APC: variants seen among roughly 807,000 people sequenced by gnomAD.
APC encodes the protein APC regulator of Wnt signaling pathway.
In APC, 72 loss-of-function variants were observed where a neutral mutation model predicts 247.0. That is an observed-to-expected ratio of 0.29 (90% CI 0.24 to 0.35). The LOEUF is 0.35. APC is among the 10% of genes least tolerant of loss of function. The pLI is 1.00. For synonymous variants in APC, 1,254 were observed against 1,162.5 expected (o/e 1.08, Z -1.60); for missense variants, 3,400 against 3,360.7 (o/e 1.01, Z -0.29).
At chr5:112,712,463 T>C (rs1379418094) in intron 1 of APC, among the ~76,000 whole-genome samples, 1 of 152,048 alleles carries the variant, frequency 6.6e-6, no homozygotes, top group Non-Finnish European at 1.5e-5. Flanking sequence ...CACAACTCAC[T>C]GTAACCTAGA....
At chr5:112,787,838 G>A (rs1210274656) in intron 6 of APC, among the ~76,000 whole-genome samples, 2 of 152,046 alleles carry the variant, frequency 1.3e-5, no homozygotes, top group African/African-American at 2.4e-5. Context: ...AGTCGTAAAG[G>A]TAATCTTCTA....
At chr5:112,736,722 T>C (rs1217357059), upstream of APC, among the ~76,000 whole-genome samples, 2 of 152,216 alleles carry the variant, frequency 1.3e-5, no homozygotes, top group African/African-American at 4.8e-5. Flanking sequence ...GAGACCATCC[T>C]GGCCAGCATG....
At chr5:112,821,103 C>G (rs571682111) in intron 10 of APC, among the ~76,000 whole-genome samples, 16 of 149,864 alleles carry the variant, frequency 1.1e-4, no homozygotes, top group Middle Eastern at 3.4e-3. Context: ...TCCTTGGGCT[C>G]AAGGATCTGC....
intron 6 of APC, among the ~76,000 whole-genome samples, chr5:112,791,099 T>C (rs570720952): frequency 6.6e-6 from 1 of 152,240 alleles, no homozygotes; most frequent in East Asian, 1.9e-4. Flanking sequence ...CATAAGTGAG[T>C]TGTTTTTTCC....
chr5:112,736,946 C>G (rs1013152440), upstream of APC, among the ~76,000 whole-genome samples: 1 of 152,062 alleles, frequency 6.6e-6, no homozygotes, highest in Non-Finnish European at 1.5e-5. Context: ...GTATAGTATC[C>G]TTTTAAATTT....
At chr5:112,729,920 T>TCAC (rs1412627840) in intron 1 of APC, among the ~76,000 whole-genome samples, 1 of 152,190 alleles carries the variant, frequency 6.6e-6, no homozygotes, top group African/African-American at 2.4e-5. Context: ...TGTTGAGTCA[T>TCAC]CACAGTTTTT....
chr5:112,740,524 C>CTTTTTTTTTTTTTT (rs11286305), intron 1 of APC, among the ~76,000 whole-genome samples: 7 of 99,130 alleles, frequency 7.1e-5, no homozygotes, highest in South Asian at 3.6e-4. Flanking sequence ...GTTTTTTTTT[C>CTTTTTTTTTTTTTT]TTTTTTTTTT....
Position 112,835,063 on chromosome 5 carries a change from C to G in APC, c.1856C>G (p.Thr619Ser). The part of the protein sequence containing the change: ...VDGALAFLVG[T>S]LTYRSQTNTL... ...GGTGCACTTGCATTTTTGGTTGGCA[C>G]TCTTACTTACCGGAGCCAGACAAAC... is the stretch of plus-strand genomic sequence containing the variant. The change falls in exon 15 of 16, where the codon ACT becomes AGT. Residue 619 changes from threonine to serine, a missense_variant. Physicochemically the swap from Thr to Ser is moderately conservative, Grantham distance 58. Coordinates refer to ENST00000257430, the MANE Select transcript of APC (RefSeq NM_000038.6). The G allele has an allele frequency of 1.2e-6, 2 of 1,614,116 alleles. No individual in the cohort carries two copies. The highest frequency in any genetic ancestry group is 1.7e-6 in the Non-Finnish European group (2 of 1,180,010).
chr5:112,750,180 C>G lies in APC; in HGVS notation c.-18-4693C>G, dbSNP rs536402410. Among the ~76,000 whole-genome samples the G allele has an allele frequency of 2.6e-5, 4 of 152,062 alleles. No homozygotes were observed. In the South Asian group the frequency reaches 8.3e-4, roughly 32 times the overall value. ...GTTTCACCATGTTGGCCAGACTGGT[C>G]TTGAACTCCTGACCTCAAGTGATCC... On this transcript the variant is annotated intron_variant, in intron 1 of 15. Transcript: ENST00000257430.
At chr5:112,805,531 C>G (rs1319484081) in intron 8 of APC, among the ~76,000 whole-genome samples, 2 of 152,200 alleles carry the variant, frequency 1.3e-5, no homozygotes, top group Non-Finnish European at 2.9e-5. Context: ...CTAATACTAT[C>G]TGGTTACTTT....
Position 112,821,967 on chromosome 5 carries a change from C to T in APC, c.1384C>T (p.His462Tyr), listed in dbSNP as rs2149792579. 6.2e-7 allele frequency: 1 copy of T among 1,612,196 alleles called. No individual in the cohort carries two copies. The highest frequency in any genetic ancestry group is 1.3e-5 in the African/African-American group (1 of 74,956). ...VLMKLSFDEEHRHAMNELGGL... is the reference protein window; with the variant it reads ...VLMKLSFDEEYRHAMNELGGL... Reference sequence around the variant, plus strand: ...AATGAAACTTTCATTTGATGAAGAGCATAGACATGCAATGAATGAACTAGG... The same window carrying T: ...AATGAAACTTTCATTTGATGAAGAGTATAGACATGCAATGAATGAACTAGG... Residue 462 changes from histidine to tyrosine, a missense_variant, in exon 11 of 16, where the codon CAT becomes TAT. Transcript: ENST00000257430.
chr5:112,753,554 A>C (rs1188753944), intron 1 of APC, among the ~76,000 whole-genome samples: 1 of 152,206 alleles, frequency 6.6e-6, no homozygotes, highest in Non-Finnish European at 1.5e-5. Flanking sequence ...AAATTAACAC[A>C]CAAGACTCAA....
At chr5:112,733,010 T>A (rs548493308), upstream of APC, among the ~76,000 whole-genome samples, 1 of 152,222 alleles carries the variant, frequency 6.6e-6, no homozygotes, top group African/African-American at 2.4e-5. Flanking sequence ...CTTAGAAAAG[T>A]TAAATGACTT....
chr5:112,779,962 C>A (rs538568365), intron 5 of APC, among the ~76,000 whole-genome samples: 124 of 152,266 alleles, frequency 8.1e-4, no homozygotes, highest in African/African-American at 2.8e-3. Flanking sequence ...CACAGAAAAT[C>A]TATAACATTG....
intron 2 of APC, among the ~76,000 whole-genome samples, chr5:112,762,143 G>C (rs189300601): frequency 1.3e-5 from 2 of 152,274 alleles, no homozygotes; most frequent in Non-Finnish European, 2.9e-5. Flanking sequence ...TCCATGAAAA[G>C]GGATTCAGCA....
intron 1 of APC, among the ~76,000 whole-genome samples, chr5:112,711,907 A>AT (rs1431576806): frequency 2.0e-5 from 3 of 152,168 alleles, no homozygotes; most frequent in Admixed American, 2.0e-4. Flanking sequence ...ATTGCCACCA[A>AT]TGATGTTCAT....
At chr5:112,726,353 G>A (rs946830670) in intron 1 of APC, among the ~76,000 whole-genome samples, 32 of 152,184 alleles carry the variant, frequency 2.1e-4, no homozygotes, top group African/African-American at 7.7e-4. Flanking sequence ...GCTGGAAGGG[G>A]GATGGAGTGG....
chr5:112,843,873 C>T lies in APC; in HGVS notation c.8279C>T (p.Thr2760Ile), dbSNP rs2150002451. The change falls in exon 16 of 16, where the codon ACC (threonine) becomes ATC (isoleucine). Residue 2760 changes from threonine to isoleucine, a missense_variant. By Grantham distance (89) the Thr-to-Ile change is moderately conservative. Around this residue, in one of 9 missense-constraint regions of APC, gnomAD observed 1,788 missense variants for 1,649.5 expected, o/e 1.08. Transcript: ENST00000257430. This position sits in a 1 kb window ranked among gnomAD's most constrained non-coding sequence, Gnocchi z 4.8. ...AATGAAAGTTCTATAGTGGAACGTA[C>T]CCCATTCAGTTCTAGCAGCTCAAGC... ...ETNESSIVERTPFSSSSSSKH... is the reference protein window; with the variant it reads ...ETNESSIVERIPFSSSSSSKH... The T allele has an allele frequency of 6.2e-7, 1 of 1,613,880 alleles. No homozygotes were observed. Among genetic ancestry groups the T allele is most frequent in the Non-Finnish European group, 8.5e-7 (1 of 1,179,818 alleles).
rs464002 is a variant in APC, at chr5:112,745,031, G to A, written c.-19+7106G>A. On this transcript the variant is annotated intron_variant, in intron 1 of 15. Transcript: ENST00000257430. ...AATATATAGAAAGCATTTACATTAC[G>A]TGAGATATTGTAAGTACTAAATAGA... 0.28 allele frequency among the ~76,000 whole-genome samples: 43,145 copies of A among 151,960 alleles called. 7,283 individuals are homozygous for A. The highest frequency in any genetic ancestry group is 0.37 in the Non-Finnish European group (24,960 of 67,940).
Sources: gnomAD v4.1 joint callset for allele counts (sites outside exome capture counted in the v4.1 genomes callset) on GRCh38, gnomAD v4.1.1 for gene constraint, gnomAD v4.1.1 regional missense constraint, Gnocchi (gnomAD v3.1) non-coding constraint, MANE v1.5 for transcripts, NCBI Gene and HGNC (gene_info 2026-07-23, HGNC 2026-07-21) for gene names.